The following RNF128 variants were observed in gnomAD, a reference collection of about 807,000 sequenced individuals.
RNF128 encodes ring finger protein 128.
Under a neutral mutation model 26.2 loss-of-function variants are expected in RNF128, and 13 were observed. That is an observed-to-expected ratio of 0.50 (90% CI 0.32 to 0.79). RNF128 has a LOEUF of 0.79. Ranked by LOEUF, RNF128 falls within the 30% of genes least tolerant of loss-of-function variation. The pLI is 0.03. For synonymous variants in RNF128, 149 were observed against 142.5 expected (o/e 1.05, Z -0.32); for missense variants, 315 against 349.7 (o/e 0.90, Z 0.79).
upstream of RNF128, among the ~76,000 whole-genome samples, chrX:106,722,361 G>A (rs371020089): frequency 1.5e-4 from 17 of 110,934 alleles, no homozygotes; most frequent in African/African-American, 5.6e-4. Context: ...GATCCCCTGG[G>A]GATCATGTTA....
chrX:106,720,548 T>C (rs1246834313), intron 1 of RNF128, among the ~76,000 whole-genome samples: 1 of 110,483 alleles, frequency 9.1e-6, no homozygotes, highest in Non-Finnish European at 1.9e-5. Context: ...TCTGGGCTGC[T>C]CAGCAGGATT....
intron 2 of RNF128, among the ~76,000 whole-genome samples, chrX:106,783,490 C>T (rs1930599096): frequency 9.0e-6 from 1 of 111,066 alleles, no homozygotes. Flanking sequence ...TAAATGTCAG[C>T]TGGGGACGGG....
rs1400962900 is a variant in RNF128, at chrX:106,790,979, A to G, written c.985-87A>G. On this transcript the variant is annotated intron_variant, in intron 5 of 6. Coordinates refer to ENST00000255499, the MANE Select transcript of RNF128 (RefSeq NM_194463.2). ...AAGGTTAAGAAATATTGCTCCAATGAGTCACCTATAAAGAAACTTTGAAGT... is the reference window on the plus strand; with the variant it reads ...AAGGTTAAGAAATATTGCTCCAATGGGTCACCTATAAAGAAACTTTGAAGT... 1.7e-5 allele frequency: 14 copies of G among 805,358 alleles called. 1 individual carries two copies. In the East Asian group the frequency reaches 4.5e-4, roughly 26 times the overall value. 66.4% of individuals were successfully genotyped at this position (805,358 alleles called of 1,213,427 possible).
At chrX:106,780,690 G>T (rs1023953387) in intron 2 of RNF128, among the ~76,000 whole-genome samples, 6 of 111,949 alleles carry the variant, frequency 5.4e-5, no homozygotes, top group Non-Finnish European at 7.5e-5. Flanking sequence ...TCCTTCGTTT[G>T]TCTTCTTCAC....
At chrX:106,726,529 C>G (rs1929394684), upstream of RNF128, 1 of 422,910 alleles carries the variant, frequency 2.4e-6, no homozygotes, top group Admixed American at 8.0e-5. Context: ...TTTTATAAAA[C>G]GACGCGACAC....
intron 1 of RNF128, among the ~76,000 whole-genome samples, chrX:106,731,088 C>T (rs750749827): frequency 2.7e-4 from 30 of 112,348 alleles, no homozygotes; most frequent in Non-Finnish European, 3.8e-4. Flanking sequence ...GCAGATAAAG[C>T]GTTTAGCACA....
chrX:106,744,743 G>C (rs1389007483), intron 1 of RNF128, among the ~76,000 whole-genome samples: 1 of 111,767 alleles, frequency 8.9e-6, no homozygotes, highest in African/African-American at 3.3e-5. Flanking sequence ...ACAGGCGTGA[G>C]CCACCAAGCC....
intron 1 of RNF128, among the ~76,000 whole-genome samples, chrX:106,766,393 T>C (rs1930242582): frequency 1.8e-5 from 2 of 112,250 alleles, no homozygotes; most frequent in African/African-American, 6.5e-5. Context: ...CCTGACTTTT[T>C]AATGATCACC....
chrX:106,773,264 C>T, intron 2 of RNF128, 104 bp downstream of exon 2: 1 of 785,716 alleles, frequency 1.3e-6, no homozygotes, highest in Non-Finnish European at 1.8e-6. Flanking sequence ...ACAATGATCT[C>T]CCCATATGTT....
chrX:106,789,111 C>A (rs1201263639), intron 4 of RNF128, among the ~76,000 whole-genome samples: 4 of 82,545 alleles, frequency 4.8e-5, no homozygotes, highest in African/African-American at 1.8e-4. Flanking sequence ...ATACTATATA[C>A]TATATATACT....
At chrX:106,738,022 G>A (rs944369360) in intron 1 of RNF128, among the ~76,000 whole-genome samples, 13 of 111,876 alleles carry the variant, frequency 1.2e-4, no homozygotes, top group African/African-American at 3.9e-4. Context: ...GTAATTAAAG[G>A]CCAACAGATC....
At chrX:106,738,350 C>T (rs1441618548) in intron 1 of RNF128, among the ~76,000 whole-genome samples, 1 of 111,634 alleles carries the variant, frequency 9.0e-6, no homozygotes, top group Non-Finnish European at 1.9e-5. Flanking sequence ...TGAACCTTTG[C>T]TAATAATTTC....
chrX:106,781,336 G>GT (rs779331767), intron 2 of RNF128, among the ~76,000 whole-genome samples: 54 of 111,881 alleles, frequency 4.8e-4, no homozygotes, highest in African/African-American at 1.7e-3. Flanking sequence ...TTGAAATTCT[G>GT]TTTTTTAAGG....
intron 1 of RNF128, among the ~76,000 whole-genome samples, chrX:106,714,449 C>T (rs1339287149): frequency 2.7e-5 from 3 of 111,037 alleles, no homozygotes; most frequent in Non-Finnish European, 5.7e-5. Context: ...TCTGTGTACC[C>T]TTCATCCCTT....
At chrX:106,776,927 A>G (rs1930474829) in intron 2 of RNF128, among the ~76,000 whole-genome samples, 1 of 111,848 alleles carries the variant, frequency 8.9e-6, no homozygotes, top group Non-Finnish European at 1.9e-5. Context: ...CTTTGTCCCC[A>G]GCTAACATGG....
intron 1 of RNF128, among the ~76,000 whole-genome samples, chrX:106,711,191 G>A (rs780790438): frequency 2.7e-5 from 3 of 111,933 alleles, no homozygotes; most frequent in Admixed American, 1.9e-4. Context: ...CCTACTCACC[G>A]CCTAGCCCCA....
chrX:106,777,660 A>G (rs1234534970), intron 2 of RNF128, among the ~76,000 whole-genome samples: 3 of 111,956 alleles, frequency 2.7e-5, no homozygotes, highest in Non-Finnish European at 5.6e-5. Context: ...GGAGGCCTTC[A>G]TGATAATCCA....
At chrX:106,740,994 A>C (rs1185531239) in intron 1 of RNF128, among the ~76,000 whole-genome samples, 1 of 111,293 alleles carries the variant, frequency 9.0e-6, no homozygotes, top group East Asian at 2.8e-4. Flanking sequence ...GATGGTATAG[A>C]GTTTACTGAC....
At chrX:106,744,788 C>T (rs1411311212) in intron 1 of RNF128, among the ~76,000 whole-genome samples, 1 of 111,567 alleles carries the variant, frequency 9.0e-6, no homozygotes, top group Non-Finnish European at 1.9e-5. Context: ...TTTTAAATTC[C>T]TCCGTGTTAA....
Sources: allele counts gnomAD v4.1 joint callset (sites outside exome capture counted in the v4.1 genomes callset), GRCh38; gene constraint gnomAD v4.1.1; transcripts MANE v1.5; gene names NCBI Gene and HGNC (gene_info 2026-07-23, HGNC 2026-07-21).